The following SAMMSON variants were observed in gnomAD, a reference collection of about 807,000 sequenced individuals.
The protein encoded by SAMMSON is survival associated mitochondrial melanoma specific oncogenic non-coding RNA.
At chr3:70,008,335 G>A (rs529843572) in intron 1 of SAMMSON, among the ~76,000 whole-genome samples, 68 of 152,230 alleles carry the variant, frequency 4.5e-4, no homozygotes, top group African/African-American at 1.5e-3. Flanking sequence ...GCGGTGGTTT[G>A]TAGTTCTCCT....
chr3:70,208,816 A>G (rs1459345118), intron 4 of SAMMSON, among the ~76,000 whole-genome samples: 1 of 152,044 alleles, frequency 6.6e-6, no homozygotes, highest in Non-Finnish European at 1.5e-5. Context: ...TGATCCTCCA[A>G]ACAGCCTTGG....
intron 3 of SAMMSON, among the ~76,000 whole-genome samples, chr3:70,053,428 A>C (rs1469304558): frequency 6.6e-6 from 1 of 152,122 alleles, no homozygotes; most frequent in Non-Finnish European, 1.5e-5. Flanking sequence ...ACACATAGAA[A>C]AGAGATCAGA....
intron 6 of SAMMSON, among the ~76,000 whole-genome samples, chr3:70,260,241 C>T (rs759641388): frequency 4.6e-5 from 7 of 152,134 alleles, no homozygotes; most frequent in Non-Finnish European, 1.0e-4. Flanking sequence ...AGCTGCCTAA[C>T]TCCAATCTCT....
intron 4 of SAMMSON, among the ~76,000 whole-genome samples, chr3:70,239,162 T>A (rs1450042907): frequency 2.0e-5 from 3 of 152,168 alleles, no homozygotes; most frequent in Admixed American, 6.5e-5. Context: ...TAGTGAAAAG[T>A]GGGGCTAGGA....
At chr3:70,155,537 T>A (rs1273502580) in intron 4 of SAMMSON, among the ~76,000 whole-genome samples, 1 of 152,076 alleles carries the variant, frequency 6.6e-6, no homozygotes, top group African/African-American at 2.4e-5. Context: ...AAGCTCTTAA[T>A]AAGATGAAGA....
chr3:70,365,037 T>C (rs541074622), intron 9 of SAMMSON, among the ~76,000 whole-genome samples: 2 of 151,910 alleles, frequency 1.3e-5, no homozygotes, highest in East Asian at 1.9e-4. Context: ...AAAATGTACA[T>C]TTATTAAGGT....
chr3:70,387,506 T>C (rs557789186), intron 9 of SAMMSON, among the ~76,000 whole-genome samples: 1 of 152,218 alleles, frequency 6.6e-6, no homozygotes, highest in East Asian at 1.9e-4. Flanking sequence ...TCAGACAATT[T>C]GGCACTGGTT....
chr3:70,080,607 C>T (rs2067264470), intron 4 of SAMMSON, among the ~76,000 whole-genome samples: 1 of 152,010 alleles, frequency 6.6e-6, no homozygotes, highest in Admixed American at 6.6e-5. Flanking sequence ...CCTCCAAAAC[C>T]CTATTTTGTC....
intron 7 of SAMMSON, among the ~76,000 whole-genome samples, chr3:70,330,930 A>T (rs1222542548): frequency 1.3e-5 from 2 of 152,194 alleles, no homozygotes; most frequent in Admixed American, 6.5e-5. Context: ...TTATACACTT[A>T]TAAGTGAAAG....
chr3:70,162,787 GGGTT>G (rs2067621302), intron 4 of SAMMSON, among the ~76,000 whole-genome samples: 1 of 151,240 alleles, frequency 6.6e-6, no homozygotes, highest in African/African-American at 2.4e-5. Context: ...ATTTCTGTCA[GGGTT>G]TGTTTAATGT....
intron 1 of SAMMSON, among the ~76,000 whole-genome samples, chr3:70,008,850 C>G (rs571841924): frequency 3.9e-5 from 6 of 152,112 alleles, no homozygotes; most frequent in East Asian, 1.9e-4. Context: ...TAGCATGAAG[C>G]GTTGTTGAAT....
intron 4 of SAMMSON, among the ~76,000 whole-genome samples, chr3:70,098,218 C>T (rs995008745): frequency 1.8e-4 from 27 of 152,126 alleles, no homozygotes; most frequent in African/African-American, 6.5e-4. Flanking sequence ...TTGTCCAAAC[C>T]TTCTTGGGAA....
At chr3:70,170,579 CTTTTTTTT>C (rs538385626) in intron 4 of SAMMSON, among the ~76,000 whole-genome samples, 93 of 105,490 alleles carry the variant, frequency 8.8e-4, no homozygotes, top group Middle Eastern at 7.8e-3. Flanking sequence ...CTAGATTTTC[CTTTTTTTT>C]TTTTTTTTTT....
At chr3:70,282,722 G>T (rs1037504291) in intron 6 of SAMMSON, among the ~76,000 whole-genome samples, 1 of 152,146 alleles carries the variant, frequency 6.6e-6, no homozygotes, top group Admixed American at 6.6e-5. Flanking sequence ...TGCCCTTCTT[G>T]CTTATTTGTC....
intron 6 of SAMMSON, among the ~76,000 whole-genome samples, chr3:70,279,524 T>G (rs1173938440): frequency 6.6e-6 from 1 of 152,194 alleles, no homozygotes; most frequent in African/African-American, 2.4e-5. Context: ...CACTACTTTC[T>G]TCTTGCCAAA....
intron 3 of SAMMSON, among the ~76,000 whole-genome samples, chr3:70,027,214 A>G (rs561524696): frequency 9.5e-4 from 145 of 152,328 alleles, no homozygotes; most frequent in Non-Finnish European, 9.8e-4. Flanking sequence ...AGAGGGAAGC[A>G]TTGTGGACTT....
In SAMMSON at chr3:70,189,520, G is replaced by A. The variant is rs186582136; in HGVS notation, n.508-59587G>A. On this transcript the variant is annotated intron_variant and non_coding_transcript_variant, in intron 4 of 9. Transcript: ENST00000642114. ...GGCCTGGAATACAATATAGAGTGTA[G>A]TCAGATGGGTTTTGCACTTCGCCCA... 1.5e-3 allele frequency among the ~76,000 whole-genome samples: 231 copies of A among 152,276 alleles called. 1 individual carries two copies. The highest frequency in any genetic ancestry group is 2.5e-3 in the Non-Finnish European group (172 of 68,026).
At chr3:70,197,579 T>A (rs1043037684) in intron 4 of SAMMSON, among the ~76,000 whole-genome samples, 2 of 152,188 alleles carry the variant, frequency 1.3e-5, no homozygotes, top group Non-Finnish European at 2.9e-5. Context: ...GCAGTTAGGA[T>A]TGGGGACAAG....
At chr3:70,128,471 T>C (rs1290988701) in intron 4 of SAMMSON, among the ~76,000 whole-genome samples, 1 of 152,170 alleles carries the variant, frequency 6.6e-6, no homozygotes, top group Non-Finnish European at 1.5e-5. Flanking sequence ...GGAATCCAGT[T>C]TAATATTTTA....
Sources: allele counts gnomAD v4.1 joint callset (sites outside exome capture counted in the v4.1 genomes callset), GRCh38; gene constraint gnomAD v4.1.1; transcripts MANE v1.5; gene names NCBI Gene and HGNC (gene_info 2026-07-23, HGNC 2026-07-21).